MAPK4: variants seen among roughly 807,000 people sequenced by gnomAD.
MAPK4 encodes the protein mitogen-activated protein kinase 4, also known as Erk3-related.
MAPK4 carries 22 observed loss-of-function variants against 47.7 expected under a neutral mutation model. That is an observed-to-expected ratio of 0.46 (90% CI 0.33 to 0.66). MAPK4 has a LOEUF of 0.66. MAPK4 is among the 30% of genes least tolerant of loss of function. MAPK4 has a pLI of 0.02. For missense variants in MAPK4, 736 were observed against 831.7 expected, an observed-to-expected ratio of 0.88 and a Z score of 1.42; for synonymous variants, 390 against 365.7, an observed-to-expected ratio of 1.07 and a Z score of -0.76.
intron 2 of MAPK4, among the ~76,000 whole-genome samples, chr18:50,706,677 T>C (rs912197298): frequency 2.0e-5 from 3 of 152,192 alleles, no homozygotes; most frequent in Non-Finnish European, 4.4e-5. Flanking sequence ...ACTTAAAGAT[T>C]GCTGTCCATT....
At chr18:50,628,527 T>TC (rs141395203) in intron 1 of MAPK4, among the ~76,000 whole-genome samples, 7,143 of 152,368 alleles carry the variant, frequency 0.047, 218 homozygotes, top group Middle Eastern at 0.12. Flanking sequence ...ATAATGCTGT[T>TC]AAGATTTCGC....
At chr18:50,641,463 T>C (rs2042940549) in intron 1 of MAPK4, among the ~76,000 whole-genome samples, 1 of 152,232 alleles carries the variant, frequency 6.6e-6, no homozygotes, top group African/African-American at 2.4e-5. Flanking sequence ...CTCTGTTCTA[T>C]AGATGTTCGA....
intron 1 of MAPK4, among the ~76,000 whole-genome samples, chr18:50,651,871 G>A (rs2043053378): frequency 6.6e-6 from 1 of 152,206 alleles, no homozygotes; most frequent in South Asian, 2.1e-4. Context: ...ATGTGCAGTG[G>A]TTTCACCTCT....
intron 2 of MAPK4, among the ~76,000 whole-genome samples, chr18:50,677,401 A>G (rs1343532344): frequency 6.6e-6 from 1 of 152,212 alleles, no homozygotes; most frequent in Non-Finnish European, 1.5e-5. Flanking sequence ...GTTTGCTGCA[A>G]CAGTTTACCC....
intron 2 of MAPK4, among the ~76,000 whole-genome samples, chr18:50,675,316 A>ATT (rs543288077): frequency 7.0e-5 from 9 of 128,422 alleles, no homozygotes; most frequent in Admixed American, 7.8e-5. Flanking sequence ...TTGGCAAACC[A>ATT]TTTTTTTTTT....
chr18:50,587,822 G>A (rs1327032502), intron 1 of MAPK4, among the ~76,000 whole-genome samples: 4 of 152,034 alleles, frequency 2.6e-5, no homozygotes, highest in Admixed American at 1.3e-4. Flanking sequence ...TCTGCCTCCC[G>A]AGTTCAAGTG....
chr18:50,650,474 C>G (rs563741664), intron 1 of MAPK4, among the ~76,000 whole-genome samples: 1 of 152,314 alleles, frequency 6.6e-6, no homozygotes, highest in East Asian at 1.9e-4. Context: ...ATGAGACTGT[C>G]CACTTTCCTG....
At chr18:50,614,350 AAATT>A (rs1316704899) in intron 1 of MAPK4, among the ~76,000 whole-genome samples, 4 of 152,140 alleles carry the variant, frequency 2.6e-5, no homozygotes, top group African/African-American at 9.6e-5. Context: ...AAAACATTCT[AAATT>A]AATGTTTTTC....
At chr18:50,635,467 C>T (rs916133229) in intron 1 of MAPK4, among the ~76,000 whole-genome samples, 2 of 152,210 alleles carry the variant, frequency 1.3e-5, no homozygotes, top group Non-Finnish European at 2.9e-5. Flanking sequence ...ATACTATCAT[C>T]AATCCCCTCA....
rs762462142 is a variant in MAPK4, at chr18:50,729,248, G to C, written c.1158G>C (p.Ser386=). ...SEVQRDPRAG[S]APLAEDVQVD... ...TACAGCGCGACCCGCGCGCGGGTTC[G>C]GCGCCACTGGCTGAGGACGTGCAGG... is the stretch of plus-strand genomic sequence containing the variant. The change falls in exon 6 of 6, where the codon TCG becomes TCC. Residue 386 remains serine, a synonymous_variant. Transcript: ENST00000400384. 1.2e-6 allele frequency: 2 copies of C among 1,608,548 alleles called. No individual in the cohort carries two copies. Among genetic ancestry groups the C allele is most frequent in the East Asian group, 2.2e-5 (1 of 44,736 alleles).
intron 2 of MAPK4, among the ~76,000 whole-genome samples, chr18:50,692,968 A>G (rs548433073): frequency 6.6e-6 from 1 of 152,136 alleles, no homozygotes; most frequent in Non-Finnish European, 1.5e-5. Context: ...TTAAATAGAT[A>G]GTGCAGGCTA....
chr18:50,706,280 C>CT (rs1270599819), intron 2 of MAPK4: 2 of 152,090 alleles, frequency 1.3e-5, no homozygotes, highest in Admixed American at 6.5e-5. Context: ...GAAAATACTA[C>CT]TTACCTTTCC....
At chr18:50,659,091 T>G (rs1225249989) in intron 1 of MAPK4, among the ~76,000 whole-genome samples, 2 of 152,220 alleles carry the variant, frequency 1.3e-5, no homozygotes, top group African/African-American at 4.8e-5. Flanking sequence ...TTAAGTTGTG[T>G]TGAGTGGTTT....
intron 1 of MAPK4, among the ~76,000 whole-genome samples, chr18:50,650,855 C>A (rs1446959451): frequency 6.6e-6 from 1 of 152,224 alleles, no homozygotes; most frequent in Non-Finnish European, 1.5e-5. Context: ...GGAGCTGTTT[C>A]TTTGCAGTTG....
chr18:50,693,240 C>T (rs1227638772), intron 2 of MAPK4, among the ~76,000 whole-genome samples: 1 of 152,054 alleles, frequency 6.6e-6, no homozygotes, highest in Non-Finnish European at 1.5e-5. Context: ...GCCTAGGCAA[C>T]AGAGAGAGAC....
rs1406765113 is a variant in MAPK4, at chr18:50,729,421, G to A, written c.1331G>A (p.Arg444His). The change falls in exon 6 of 6, where the codon CGC becomes CAC. Residue 444 changes from arginine to histidine, a missense_variant. Coordinates refer to ENST00000400384, the MANE Select transcript of MAPK4 (RefSeq NM_002747.4). ...TCCTACCTGGACAAGCTGCTGTGGC[G>A]CGACAACAAGCCGCACCACTACTCG... Reference protein sequence around the residue: ...SPSYLDKLLWRDNKPHHYSEP... With the variant: ...SPSYLDKLLWHDNKPHHYSEP... 1.3e-6 allele frequency: 2 copies of A among 1,549,554 alleles called. No individual in the cohort carries two copies. The highest frequency in any genetic ancestry group is 1.9e-5 in the Admixed American group (1 of 52,190).
At chr18:50,609,944 A>G (rs1467153980) in intron 1 of MAPK4, among the ~76,000 whole-genome samples, 2 of 152,220 alleles carry the variant, frequency 1.3e-5, no homozygotes, top group Non-Finnish European at 2.9e-5. Flanking sequence ...ATAGGACTTT[A>G]CCAACATCGC....
intron 1 of MAPK4, among the ~76,000 whole-genome samples, chr18:50,569,639 C>A (rs186196166): frequency 6.6e-6 from 1 of 152,284 alleles, no homozygotes; most frequent in East Asian, 1.9e-4. Flanking sequence ...CCTTGTTTTC[C>A]GCTTATCACT....
chr18:50,660,948 A>C (rs1051237785), intron 1 of MAPK4, among the ~76,000 whole-genome samples: 4 of 152,214 alleles, frequency 2.6e-5, no homozygotes, highest in African/African-American at 7.2e-5. Flanking sequence ...AGTCCCTCCC[A>C]TGCATGAGAG....
Sources: gnomAD v4.1 joint callset for allele counts (sites outside exome capture counted in the v4.1 genomes callset) on GRCh38, gnomAD v4.1.1 for gene constraint, MANE v1.5 for transcripts, NCBI Gene and HGNC (gene_info 2026-07-23, HGNC 2026-07-21) for gene names.